Variants in MBOAT1 observed in about 807,000 individuals in gnomAD.
The protein encoded by MBOAT1 is membrane bound glycerophospholipid O-acyltransferase 1, also known as membrane-bound glycerophospholipid O-acyltransferase 1.
MBOAT1 carries 67 observed loss-of-function variants against 64.4 expected under a neutral mutation model. That is an observed-to-expected ratio of 1.04 (90% CI 0.85 to 1.27). The LOEUF is 1.27. Among genes scored for constraint, MBOAT1 ranks in the 50% most tolerant of loss-of-function variants. The probability of loss-of-function intolerance (pLI) is 0.00; values close to 1 mark genes in which losing one functional copy is unlikely to be tolerated. For missense variants in MBOAT1, 563 were observed against 604.6 expected (o/e 0.93, Z 0.72); for synonymous variants, 229 against 218.9 (o/e 1.05, Z -0.41).
chr6:20,109,874 G>C, intron 11 of MBOAT1, 125 bp from the exon 12 acceptor site: 1 of 347,670 alleles, frequency 2.9e-6, no homozygotes, highest in Non-Finnish European at 4.6e-6. Context: ...CATCTGAGTT[G>C]TATTTTCGAC....
Position 20,110,198 on chromosome 6 carries a change from C to T in MBOAT1, c.1210-449G>A, listed in dbSNP as rs575225130. Among the ~76,000 whole-genome samples, 27 of 144,334 alleles carry T rather than the reference C, an allele frequency of 1.9e-4. No homozygotes were observed. In the South Asian group the frequency reaches 5.0e-3, roughly 27 times the overall value. The allele number at this position is 144,334 out of a possible 152,430, so 94.7% of individuals were successfully genotyped here. A position where few individuals can be genotyped will look rare whatever the true frequency, so the allele number is the denominator to read the frequency against. The stretch of plus-strand genomic sequence containing the variant: ...TGCTGGGATTACAGGCGTGAGCCAC[C>T]GCGCCCGGCCCAGGACTCTTTTTTT... On this transcript the variant is annotated intron_variant, in intron 11 of 12. Coordinates refer to ENST00000324607, the MANE Select transcript of MBOAT1 (RefSeq NM_001080480.3).
chr6:20,178,027 C>G (rs759336877), intron 1 of MBOAT1, among the ~76,000 whole-genome samples: 1 of 152,142 alleles, frequency 6.6e-6, no homozygotes, highest in Non-Finnish European at 1.5e-5. Context: ...ACTCGTGTCC[C>G]ACAGGTACCT....
intron 6 of MBOAT1, among the ~76,000 whole-genome samples, chr6:20,127,259 A>T (rs1042120072): frequency 6.6e-6 from 1 of 152,068 alleles, no homozygotes; most frequent in African/African-American, 2.4e-5. Flanking sequence ...GAGGGAAAAA[A>T]GTCTGTAGAG....
At chr6:20,183,196 C>T (rs1021385301) in intron 1 of MBOAT1, among the ~76,000 whole-genome samples, 3 of 152,090 alleles carry the variant, frequency 2.0e-5, no homozygotes, top group East Asian at 1.9e-4. Flanking sequence ...CTAAAATAAA[C>T]TGTAACATAA....
chr6:20,109,943 T>C (rs1760081846), intron 11 of MBOAT1, among the ~76,000 whole-genome samples, 194 bp from the exon 12 acceptor site: 1 of 131,834 alleles, frequency 7.6e-6, no homozygotes, highest in Non-Finnish European at 1.5e-5. Context: ...GGAGTCTCGC[T>C]CTGTCGCCCA....
chr6:20,150,337 G>T (rs1405994205), intron 3 of MBOAT1, among the ~76,000 whole-genome samples: 1 of 152,018 alleles, frequency 6.6e-6, no homozygotes, highest in Non-Finnish European at 1.5e-5. Flanking sequence ...AGATTCAAGA[G>T]GGTGGAGACA....
rs1344230898 is a variant in MBOAT1 at position 20,212,281 on chromosome 6, C to T, written c.-47G>A. The T allele has an allele frequency of 1.3e-6, 2 of 1,551,460 alleles. No individual in the cohort carries two copies. Among genetic ancestry groups the T allele is most frequent in the Non-Finnish European group, 1.8e-6 (2 of 1,140,320 alleles). ...TGCCCCTGTCCCAGCCCGCAACACC[C>T]CCTGCTCGGCGTCCTCCCGCCCGGG... On this transcript the variant is annotated 5_prime_UTR_variant, in exon 1 of 13. Transcript: ENST00000324607.
Position 20,212,412 on chromosome 6 carries a change from C to A in MBOAT1, c.-178G>T. The A allele has an allele frequency of 1.6e-6, 1 of 610,644 alleles. No individual in the cohort carries two copies. The highest frequency in any genetic ancestry group is 3.1e-5 in the Admixed American group (1 of 32,054). The allele number at this position is 610,644 out of a possible 1,614,324, so 37.8% of individuals were successfully genotyped here. The stretch of plus-strand genomic sequence containing the variant: ...GGCGCAAACTCTCGAGGCGCAAACT[C>A]TCGAGGCGCAAACTTGGCTTTGGCG... On this transcript the variant is annotated 5_prime_UTR_variant, in exon 1 of 13. Coordinates refer to ENST00000324607, the MANE Select transcript of MBOAT1 (RefSeq NM_001080480.3).
intron 1 of MBOAT1, among the ~76,000 whole-genome samples, chr6:20,188,404 C>T (rs757945736): frequency 1.3e-5 from 2 of 152,182 alleles, no homozygotes; most frequent in Non-Finnish European, 2.9e-5. Flanking sequence ...AGTTCTGTTA[C>T]AGTCTCACCA....
chr6:20,147,309 T>C (rs1304319016), intron 3 of MBOAT1, among the ~76,000 whole-genome samples: 1 of 152,220 alleles, frequency 6.6e-6, no homozygotes, highest in Admixed American at 6.5e-5. Context: ...GAGAAGTTGG[T>C]GAAGCAGTTA....
chr6:20,204,932 C>T (rs1006108779), intron 1 of MBOAT1, among the ~76,000 whole-genome samples: 1 of 152,146 alleles, frequency 6.6e-6, no homozygotes, highest in Non-Finnish European at 1.5e-5. Context: ...TGTGGTAGCT[C>T]ACAACTATAA....
intron 1 of MBOAT1, among the ~76,000 whole-genome samples, chr6:20,188,422 A>G (rs796873717): frequency 1.3e-4 from 20 of 152,298 alleles, no homozygotes; most frequent in African/African-American, 4.6e-4. Context: ...CCAATGCACC[A>G]CAATGTAGTA....
intron 1 of MBOAT1, 70 bp downstream of exon 1, chr6:20,212,066 A>T: frequency 7.0e-7 from 1 of 1,433,484 alleles, no homozygotes; most frequent in Admixed American, 1.9e-5. Flanking sequence ...ACGGTGGCTA[A>T]CACTTTCGCC....
chr6:20,192,995 C>CTATTTTTTTTTT (rs1762846282), intron 1 of MBOAT1, among the ~76,000 whole-genome samples: 1 of 55,048 alleles, frequency 1.8e-5, no homozygotes, highest in Non-Finnish European at 3.4e-5. Context: ...GCTATAATTT[C>CTATTTTTTTTTT]TTTTTTTTTT....
chr6:20,179,346 C>G (rs535761120), intron 1 of MBOAT1, among the ~76,000 whole-genome samples: 1 of 152,142 alleles, frequency 6.6e-6, no homozygotes. Context: ...GCTGTTCCCC[C>G]CAACCATGTG....
At chr6:20,152,335 A>T (rs1286768933) in intron 2 of MBOAT1, among the ~76,000 whole-genome samples, 34 of 71,442 alleles carry the variant, frequency 4.8e-4, no homozygotes, top group Non-Finnish European at 8.8e-4. Context: ...TCAAAAAAAA[A>T]AAATAAAAAA....
chr6:20,132,102 C>T (rs1364366259), intron 4 of MBOAT1, among the ~76,000 whole-genome samples: 4 of 151,828 alleles, frequency 2.6e-5, no homozygotes, highest in Non-Finnish European at 5.9e-5. Flanking sequence ...CAGCTGGTCT[C>T]GAACATGAGC....
chr6:20,202,264 A>G (rs1349637889), intron 1 of MBOAT1, among the ~76,000 whole-genome samples: 1 of 152,236 alleles, frequency 6.6e-6, no homozygotes, highest in East Asian at 1.9e-4. Flanking sequence ...TGTTTGAAAT[A>G]AGAGTTTAGG....
At chr6:20,102,449 A>G in intron 12 of MBOAT1, 37 bp from the exon 13 acceptor site, 1 of 1,550,258 alleles carries the variant, frequency 6.5e-7, no homozygotes, top group South Asian at 1.1e-5. Flanking sequence ...TATTTCAAAT[A>G]AGGATGTAGA....
Sources: allele counts gnomAD v4.1 joint callset (sites outside exome capture counted in the v4.1 genomes callset), GRCh38; gene constraint gnomAD v4.1.1; transcripts MANE v1.5; gene names NCBI Gene and HGNC (gene_info 2026-07-23, HGNC 2026-07-21).